Variants in SLCO6A1 observed in about 807,000 individuals in gnomAD.
SLCO6A1 encodes solute carrier organic anion transporter family member 6A1.
SLCO6A1 carries 65 observed loss-of-function variants against 72.7 expected under a neutral mutation model. That is an observed-to-expected ratio of 0.89 (90% CI 0.73 to 1.10). SLCO6A1 has a LOEUF of 1.10. SLCO6A1 is among the 50% of genes least tolerant of loss of function. The pLI is 0.00. For synonymous variants in SLCO6A1, 314 were observed against 298.2 expected (o/e 1.05, Z -0.55); for missense variants, 874 against 872.6 (o/e 1.00, Z -0.02).
intron 9 of SLCO6A1, among the ~76,000 whole-genome samples, chr5:102,408,966 T>G (rs1747820523): frequency 6.6e-6 from 1 of 152,206 alleles, no homozygotes; most frequent in South Asian, 2.1e-4. Flanking sequence ...ATGAAGTTTC[T>G]GTTGAACCTC....
chr5:102,379,791 T>A (rs928192723), intron 12 of SLCO6A1, among the ~76,000 whole-genome samples: 20 of 128,614 alleles, frequency 1.6e-4, no homozygotes, highest in Middle Eastern at 4.0e-3. Flanking sequence ...AAAAAAAAAA[T>A]TTCTCTTGGG....
intron 12 of SLCO6A1, among the ~76,000 whole-genome samples, chr5:102,385,539 GC>G (rs2112499916): frequency 6.6e-6 from 1 of 152,058 alleles, no homozygotes; most frequent in East Asian, 1.9e-4. Flanking sequence ...AATTTTGAAT[GC>G]CCTGCCTTCA....
chr5:102,479,402 G>C (rs1057068395), intron 2 of SLCO6A1, among the ~76,000 whole-genome samples: 2 of 152,074 alleles, frequency 1.3e-5, no homozygotes, highest in Admixed American at 1.3e-4. Flanking sequence ...CTTTATAGCA[G>C]TCTGAGAATA....
intron 6 of SLCO6A1, among the ~76,000 whole-genome samples, chr5:102,448,199 A>G (rs1750221598): frequency 6.6e-6 from 1 of 152,132 alleles, no homozygotes; most frequent in Non-Finnish European, 1.5e-5. Flanking sequence ...TCTTCTTGAT[A>G]TCGATTTCTA....
At chr5:102,386,951 A>C (rs988211445) in intron 12 of SLCO6A1, among the ~76,000 whole-genome samples, 1 of 152,278 alleles carries the variant, frequency 6.6e-6, no homozygotes. Context: ...GATGCAGGTC[A>C]TGTGAAATTA....
intron 4 of SLCO6A1, among the ~76,000 whole-genome samples, chr5:102,464,564 G>A (rs1751216312): frequency 6.6e-6 from 1 of 152,146 alleles, no homozygotes; most frequent in Admixed American, 6.5e-5. Flanking sequence ...ATCTGTATGG[G>A]AAGAGATGGT....
chr5:102,398,554 G>A (rs955571675), intron 10 of SLCO6A1, among the ~76,000 whole-genome samples: 1 of 152,088 alleles, frequency 6.6e-6, no homozygotes, highest in African/African-American at 2.4e-5. Flanking sequence ...TCTTTTCAAA[G>A]CATTCTATCT....
Position 102,383,576 on chromosome 5 carries a change from G to A in SLCO6A1, c.2017+5112C>T, listed in dbSNP as rs557249027. Among the ~76,000 whole-genome samples the A allele has an allele frequency of 2.6e-5, 4 of 151,738 alleles. No individual in the cohort carries two copies. In the South Asian group the frequency reaches 8.3e-4, roughly 32 times the overall value. On this transcript the variant is annotated intron_variant, in intron 12 of 13. Transcript: ENST00000506729. ...ATCATAATATATGATCCTTTTAAATGTACTGTTGAATTCAGTTTGCTAGTA... is the reference window on the plus strand; with the variant it reads ...ATCATAATATATGATCCTTTTAAATATACTGTTGAATTCAGTTTGCTAGTA...
In SLCO6A1 at chr5:102,459,727, T is replaced by C. The variant is rs1750923995; in HGVS notation, c.950A>G (p.Asn317Ser). ...SPEWLWTWWINFLFAAVVAWC... is the reference protein window; with the variant it reads ...SPEWLWTWWISFLFAAVVAWC... Reference sequence around the variant, plus strand: ...TGCAACGACAGCGGCAAAAAGAAAATTAATCCACCAAGTCCATAGCCATTC... The same window carrying C: ...TGCAACGACAGCGGCAAAAAGAAAACTAATCCACCAAGTCCATAGCCATTC... Residue 317 changes from asparagine to serine, a missense_variant, in exon 5 of 14, where the codon AAT (asparagine) becomes AGT (serine). Transcript: ENST00000506729. 6.2e-7 allele frequency: 1 copy of C among 1,611,186 alleles called. No homozygotes were observed. The highest frequency in any genetic ancestry group is 1.1e-5 in the South Asian group (1 of 90,700).
chr5:102,388,881 T>C, intron 11 of SLCO6A1, 56 bp from the exon 12 acceptor site: 6 of 1,472,294 alleles, frequency 4.1e-6, no homozygotes, highest in Admixed American at 4.4e-5. Flanking sequence ...CTCTTAAACA[T>C]GTAATGCACA....
intron 7 of SLCO6A1, among the ~76,000 whole-genome samples, chr5:102,436,325 C>T (rs1242770808): frequency 6.6e-6 from 1 of 152,128 alleles, no homozygotes; most frequent in Non-Finnish European, 1.5e-5. Flanking sequence ...TATTATCACA[C>T]CTTCACCTGC....
chr5:102,372,733 T>C (rs1442235630), intron 13 of SLCO6A1, among the ~76,000 whole-genome samples: 1 of 151,132 alleles, frequency 6.6e-6, no homozygotes, highest in African/African-American at 2.4e-5. Context: ...TATATGAGTA[T>C]ATTGAATTTT....
intron 10 of SLCO6A1, 54 bp from the exon 11 acceptor site, chr5:102,391,099 A>T: frequency 1.4e-6 from 2 of 1,470,236 alleles, no homozygotes; most frequent in Non-Finnish European, 1.9e-6. Context: ...TAGCACTAAG[A>T]ATGTATGCTA....
intron 12 of SLCO6A1, among the ~76,000 whole-genome samples, chr5:102,375,766 T>C (rs138511642): frequency 2.6e-5 from 4 of 151,992 alleles, no homozygotes; most frequent in East Asian, 1.9e-4. Context: ...AAAGCAAAGA[T>C]AACAGAGCGT....
At chr5:102,441,065 A>T (rs1749807374) in intron 6 of SLCO6A1, among the ~76,000 whole-genome samples, 1 of 152,162 alleles carries the variant, frequency 6.6e-6, no homozygotes, top group Non-Finnish European at 1.5e-5. Context: ...CCCATCTATT[A>T]TTGTGGTCTA....
Position 102,498,949 on chromosome 5 carries a change from G to A in SLCO6A1, c.-105C>T, listed in dbSNP as rs535387582. ...GCCTGGCGAGGGCGTCGGAGGACTC[G>A]GTGGCCACAAGGGGCTCTTGCCGCC... On this transcript the variant is annotated 5_prime_UTR_variant, in exon 1 of 14. Coordinates refer to ENST00000506729, the MANE Select transcript of SLCO6A1 (RefSeq NM_173488.5). The A allele has an allele frequency of 8.0e-6, 9 of 1,122,418 alleles. No homozygotes were observed. Among genetic ancestry groups the A allele is most frequent in the Admixed American group, 6.9e-5 (3 of 43,504 alleles). The allele number at this position is 1,122,418 out of a possible 1,614,324, so 69.5% of individuals were successfully genotyped here. A position where few individuals can be genotyped will look rare whatever the true frequency, so the allele number is the denominator to read the frequency against.
chr5:102,394,693 T>C (rs1294896292), intron 10 of SLCO6A1, among the ~76,000 whole-genome samples: 1 of 152,106 alleles, frequency 6.6e-6, no homozygotes, highest in African/African-American at 2.4e-5. Context: ...TAAGAATATA[T>C]TGTTACATTA....
intron 5 of SLCO6A1, 41 bp downstream of exon 5, chr5:102,459,615 A>G (rs1269886361): frequency 6.5e-7 from 1 of 1,539,004 alleles, no homozygotes; most frequent in Non-Finnish European, 8.7e-7. Context: ...GGTGGAAGAA[A>G]CTACTATCCT....
rs113995181 is a variant in SLCO6A1 at position 102,375,959 on chromosome 5, A to T, written c.2018-2465T>A. On this transcript the variant is annotated intron_variant, in intron 12 of 13. Transcript: ENST00000506729. ...TCAGCATACACAAAAGAGGGAAAAA[A>T]AGCAATGATACACAGAAAACCATAC... Among the ~76,000 whole-genome samples, 1,308 of 152,260 alleles carry T rather than the reference A, an allele frequency of 8.6e-3. 15 individuals carry two copies. Among genetic ancestry groups the T allele is most frequent in the African/African-American group, 0.029 (1,217 of 41,570 alleles).
Sources: allele counts gnomAD v4.1 joint callset (sites outside exome capture counted in the v4.1 genomes callset), GRCh38; gene constraint gnomAD v4.1.1; transcripts MANE v1.5; gene names NCBI Gene and HGNC (gene_info 2026-07-23, HGNC 2026-07-21).